FAM168A: variants seen among roughly 807,000 people sequenced by gnomAD.
FAM168A encodes the protein protein FAM168A.
Under a neutral mutation model 28.5 loss-of-function variants are expected in FAM168A, and 3 were observed. That is an observed-to-expected ratio of 0.11 (90% CI 0.05 to 0.27). The LOEUF (loss-of-function observed/expected upper bound fraction) is 0.27. FAM168A is among the 10% of genes least tolerant of loss of function. The probability of loss-of-function intolerance (pLI) is 1.00; values close to 1 mark genes in which losing one functional copy is unlikely to be tolerated. For synonymous variants in FAM168A, 122 were observed against 124.2 expected (o/e 0.98, Z 0.12); for missense variants, 222 against 311.5 (o/e 0.71, Z 2.16).
intron 1 of FAM168A, among the ~76,000 whole-genome samples, chr11:73,567,936 A>G (rs1195735115): frequency 6.6e-6 from 1 of 152,198 alleles, no homozygotes; most frequent in East Asian, 1.9e-4. Context: ...GAACTGTTTT[A>G]TAAGAGATAA....
chr11:73,554,767 A>G (rs1386549099), intron 1 of FAM168A, among the ~76,000 whole-genome samples: 6 of 152,228 alleles, frequency 3.9e-5, no homozygotes, highest in East Asian at 1.9e-4. Context: ...ACAATGGGAG[A>G]GCAATAAAGA....
chr11:73,484,490 A>C (rs1868010901), intron 1 of FAM168A, among the ~76,000 whole-genome samples: 1 of 149,342 alleles, frequency 6.7e-6, no homozygotes, highest in African/African-American at 2.5e-5. Context: ...AGAGGGGCAG[A>C]ACTAAGAGGA....
At chr11:73,447,653 A>G (rs1445716792) in intron 2 of FAM168A, among the ~76,000 whole-genome samples, 1 of 150,512 alleles carries the variant, frequency 6.6e-6, no homozygotes, top group African/African-American at 2.4e-5. Flanking sequence ...GTGTTCTTAT[A>G]TGTCCCACAT....
chr11:73,447,883 T>A (rs1051976374), intron 2 of FAM168A, among the ~76,000 whole-genome samples: 1 of 152,154 alleles, frequency 6.6e-6, no homozygotes. Context: ...CAGACTCAAA[T>A]CCTAATTTTG....
At chr11:73,474,705 G>A (rs1043566586) in intron 1 of FAM168A, among the ~76,000 whole-genome samples, 7 of 152,160 alleles carry the variant, frequency 4.6e-5, no homozygotes, top group Non-Finnish European at 8.8e-5. Context: ...AGGTCCATGA[G>A]AATGAGATTC....
At chr11:73,508,113 T>G (rs1176064513) in intron 1 of FAM168A, among the ~76,000 whole-genome samples, 3 of 152,168 alleles carry the variant, frequency 2.0e-5, no homozygotes, top group Non-Finnish European at 2.9e-5. Context: ...TTTTTACAGC[T>G]GATGTAAGAG....
chr11:73,483,246 T>G (rs1479318024), intron 1 of FAM168A, among the ~76,000 whole-genome samples: 1 of 152,204 alleles, frequency 6.6e-6, no homozygotes. Flanking sequence ...CCTCATCACA[T>G]GCAACTGTCA....
intron 1 of FAM168A, among the ~76,000 whole-genome samples, chr11:73,496,383 CT>C (rs1449658764): frequency 1.3e-5 from 2 of 152,230 alleles, no homozygotes; most frequent in Non-Finnish European, 2.9e-5. Context: ...TTTGACCATA[CT>C]TTCAATGGCG....
intron 1 of FAM168A, among the ~76,000 whole-genome samples, chr11:73,500,434 T>C (rs913418578): frequency 4.4e-4 from 67 of 151,980 alleles, no homozygotes; most frequent in African/African-American, 1.6e-3. Flanking sequence ...AATTTTTGTA[T>C]TTTTAGTAGA....
intron 1 of FAM168A, among the ~76,000 whole-genome samples, chr11:73,479,132 A>G (rs1352012376): frequency 6.6e-6 from 1 of 152,168 alleles, no homozygotes; most frequent in Non-Finnish European, 1.5e-5. Context: ...ATCTAGAATT[A>G]GGACATGATG....
chr11:73,405,997 T>C lies in FAM168A; in HGVS notation c.*766A>G, dbSNP rs1299277056. On this transcript the variant is annotated 3_prime_UTR_variant, in exon 8 of 8. Coordinates refer to ENST00000356467, the MANE Select transcript of FAM168A (RefSeq NM_015159.3). ...GAAGTGCCAGGTCAGTTAACATCAC[T>C]GTGCAAATCAGAAGGTCCAGGGCCA... The C allele has an allele frequency of 1.3e-5, 2 of 152,544 alleles. No individual in the cohort carries two copies. The highest frequency in any genetic ancestry group is 2.1e-4 in the South Asian group (1 of 4,826). 9.4% of individuals were successfully genotyped at this position (152,544 alleles called of 1,614,324 possible).
At position 73,404,330 on chromosome 11, in the gene FAM168A, T is replaced by C. The variant is rs1417688697; in HGVS notation, c.*2433A>G. 6.6e-6 allele frequency: 1 copy of C among 152,256 alleles called. No individual in the cohort carries two copies. The highest frequency in any genetic ancestry group is 1.5e-5 in the Non-Finnish European group (1 of 68,044). The allele number at this position is 152,256 out of a possible 1,614,324, so 9.4% of individuals were successfully genotyped here. A position where few individuals can be genotyped will look rare whatever the true frequency, so the allele number is the denominator to read the frequency against. ...CCCTTCCATAACCTGTTTCCTCATTTGTCAATTGACTGTAATAACTCTAAC... is the reference window on the plus strand; with the variant it reads ...CCCTTCCATAACCTGTTTCCTCATTCGTCAATTGACTGTAATAACTCTAAC... On this transcript the variant is annotated 3_prime_UTR_variant, in exon 8 of 8. Transcript: ENST00000356467.
At chr11:73,506,179 T>C (rs968664922) in intron 1 of FAM168A, among the ~76,000 whole-genome samples, 1 of 152,064 alleles carries the variant, frequency 6.6e-6, no homozygotes, top group East Asian at 1.9e-4. Context: ...AAGAGGTAAA[T>C]TATACATCAG....
At chr11:73,427,503 T>C (rs1406052943) in intron 3 of FAM168A, among the ~76,000 whole-genome samples, 1 of 152,158 alleles carries the variant, frequency 6.6e-6, no homozygotes, top group African/African-American at 2.4e-5. Flanking sequence ...GGCCCACTGA[T>C]GCAACCACAA....
At chr11:73,441,267 C>T (rs2134529395) in intron 2 of FAM168A, among the ~76,000 whole-genome samples, 1 of 152,194 alleles carries the variant, frequency 6.6e-6, no homozygotes, top group Admixed American at 6.5e-5. Flanking sequence ...CCACGTTGGC[C>T]AAGATGGTCT....
chr11:73,419,369 G>C (rs779084548), intron 4 of FAM168A, among the ~76,000 whole-genome samples: 1 of 152,180 alleles, frequency 6.6e-6, no homozygotes, highest in Non-Finnish European at 1.5e-5. Context: ...GCAATGTTTA[G>C]AAACATTTTT....
chr11:73,446,268 T>C (rs576479750), intron 2 of FAM168A, among the ~76,000 whole-genome samples: 1 of 152,224 alleles, frequency 6.6e-6, no homozygotes, highest in Admixed American at 6.5e-5. Flanking sequence ...AAAAGTCTTA[T>C]ACAAAGGCAA....
At chr11:73,409,082 T>C (rs1249301579) in intron 6 of FAM168A, among the ~76,000 whole-genome samples, 1 of 152,062 alleles carries the variant, frequency 6.6e-6, no homozygotes, top group Non-Finnish European at 1.5e-5. Flanking sequence ...TGACCCCCAT[T>C]GTGTGCAACA....
chr11:73,457,640 C>T (rs1040192521), intron 2 of FAM168A, among the ~76,000 whole-genome samples: 1 of 142,974 alleles, frequency 7.0e-6, no homozygotes, highest in African/African-American at 2.6e-5. Context: ...CTTTGGGAGG[C>T]CGAAGTAAGA....
Sources: allele counts gnomAD v4.1 joint callset (sites outside exome capture counted in the v4.1 genomes callset), GRCh38; gene constraint gnomAD v4.1.1; transcripts MANE v1.5; gene names NCBI Gene and HGNC (gene_info 2026-07-23, HGNC 2026-07-21).